The following MAGI1 variants were observed in gnomAD, a reference collection of about 807,000 sequenced individuals.
MAGI1 encodes membrane-associated guanylate kinase, WW and PDZ domain-containing protein 1.
A neutral mutation model predicts 139.9 loss-of-function variants in MAGI1; 58 were observed. The ratio of observed to expected loss-of-function variants is 0.41; its 90% CI spans 0.34 to 0.52. The LOEUF is 0.52. Among genes scored for constraint, MAGI1 ranks in the 20% least tolerant of loss-of-function variants. MAGI1 has a pLI of 0.12. For missense variants in MAGI1, 1,874 were observed against 1,901.6 expected, an observed-to-expected ratio of 0.99 and a Z score of 0.27; for synonymous variants, 812 against 737.9, an observed-to-expected ratio of 1.10 and a Z score of -1.63.
intron 1 of MAGI1, among the ~76,000 whole-genome samples, chr3:65,819,400 T>C (rs755732970): frequency 3.3e-5 from 5 of 152,188 alleles, no homozygotes; most frequent in African/African-American, 9.6e-5. Context: ...ACCTAAATTT[T>C]ATGCACTGTA....
At chr3:65,750,298 G>C (rs139230540) in intron 1 of MAGI1, among the ~76,000 whole-genome samples, 13 of 151,994 alleles carry the variant, frequency 8.6e-5, no homozygotes, top group South Asian at 2.1e-4. Flanking sequence ...TTGGGAAAAC[G>C]GGCTTTTTAA....
chr3:65,668,210 T>A (rs993342037), intron 1 of MAGI1, among the ~76,000 whole-genome samples: 2 of 152,114 alleles, frequency 1.3e-5, no homozygotes, highest in Non-Finnish European at 2.9e-5. Context: ...ACCAGAAGGG[T>A]TGACGTGAGG....
chr3:65,838,180 C>A (rs577945219), intron 1 of MAGI1, among the ~76,000 whole-genome samples: 1 of 152,098 alleles, frequency 6.6e-6, no homozygotes, highest in Non-Finnish European at 1.5e-5. Context: ...GGTGTGGTGG[C>A]GCACGCCTGC....
At chr3:65,921,880 T>C (rs1172264875) in intron 1 of MAGI1, among the ~76,000 whole-genome samples, 1 of 151,202 alleles carries the variant, frequency 6.6e-6, no homozygotes, top group Non-Finnish European at 1.5e-5. Flanking sequence ...CACTCCAACC[T>C]GGGCAACAGA....
intron 1 of MAGI1, among the ~76,000 whole-genome samples, chr3:65,812,212 C>A (rs2108203078): frequency 6.6e-6 from 1 of 152,104 alleles, no homozygotes; most frequent in African/African-American, 2.4e-5. Flanking sequence ...ATACCACCAA[C>A]CTGACTAATC....
At chr3:65,453,834 C>G (rs927366509) in intron 5 of MAGI1, among the ~76,000 whole-genome samples, 4 of 152,150 alleles carry the variant, frequency 2.6e-5, no homozygotes, top group African/African-American at 9.7e-5. Context: ...CTCAAAACTA[C>G]CAATACACAT....
chr3:65,487,502 A>AAGTATCTTAAAGCAAGCTCTCTCTGG lies in MAGI1; in HGVS notation c.550+5984_550+6009dup, dbSNP rs1371784872. On this transcript the variant is annotated intron_variant, in intron 3 of 22. Transcript: ENST00000402939. Reference sequence around the variant, plus strand: ...GCCAGGCTATGTCCCTAACTCCCTGAAGTATCTTAAAGCAAGCTCTCTCTG... The same window carrying AAGTATCTTAAAGCAAGCTCTCTCTGG: ...GCCAGGCTATGTCCCTAACTCCCTGAAGTATCTTAAAGCAAGCTCTCTCTGGAGTATCTTAAAGCAAGCTCTCTCTG... Among the ~76,000 whole-genome samples, 36 of 152,196 alleles carry AAGTATCTTAAAGCAAGCTCTCTCTGG rather than the reference A, an allele frequency of 2.4e-4. 1 individual carries two copies. The highest frequency in any genetic ancestry group is 4.8e-5 in the African/African-American group (2 of 41,448).
At chr3:65,832,536 T>A (rs145407003) in intron 1 of MAGI1, among the ~76,000 whole-genome samples, 1 of 152,216 alleles carries the variant, frequency 6.6e-6, no homozygotes, top group Non-Finnish European at 1.5e-5. Context: ...TGTTCATTCA[T>A]CTTTCAAGAC....
At chr3:65,978,837 G>A (rs1044097003) in intron 1 of MAGI1, among the ~76,000 whole-genome samples, 12 of 151,826 alleles carry the variant, frequency 7.9e-5, no homozygotes, top group Non-Finnish European at 1.2e-4. Flanking sequence ...ATGTTGGCCA[G>A]GCTGGTCTCA....
At chr3:65,784,474 T>G (rs572474010) in intron 1 of MAGI1, among the ~76,000 whole-genome samples, 3 of 152,298 alleles carry the variant, frequency 2.0e-5, no homozygotes, top group South Asian at 2.1e-4. Context: ...TCCCAGCACT[T>G]TGGGAGGCCG....
At chr3:65,749,736 G>C (rs898130104) in intron 1 of MAGI1, among the ~76,000 whole-genome samples, 11 of 150,976 alleles carry the variant, frequency 7.3e-5, no homozygotes, top group Non-Finnish European at 1.6e-4. Flanking sequence ...AAACTGCTGT[G>C]GGCCAATCAT....
intron 1 of MAGI1, among the ~76,000 whole-genome samples, chr3:65,765,929 C>T (rs1399275354): frequency 6.6e-6 from 1 of 152,132 alleles, no homozygotes; most frequent in East Asian, 1.9e-4. Context: ...GTAGTGTCAC[C>T]AAAACATCTG....
At chr3:65,488,354 T>A (rs1449302026) in intron 3 of MAGI1, among the ~76,000 whole-genome samples, 1 of 152,184 alleles carries the variant, frequency 6.6e-6, no homozygotes, top group East Asian at 1.9e-4. Context: ...TTTTGTTTTT[T>A]GAGACAGGGT....
intron 1 of MAGI1, among the ~76,000 whole-genome samples, chr3:66,022,938 A>T (rs17074330): frequency 0.095 from 14,512 of 152,236 alleles, 821 homozygotes; most frequent in Middle Eastern, 0.16. Context: ...AAAGCACAGA[A>T]ATTTAACCTG....
At chr3:65,673,057 C>T (rs548753788) in intron 1 of MAGI1, among the ~76,000 whole-genome samples, 1 of 152,046 alleles carries the variant, frequency 6.6e-6, no homozygotes, top group Non-Finnish European at 1.5e-5. Flanking sequence ...CATAAATGAC[C>T]GCCAGCGCCA....
intron 2 of MAGI1, among the ~76,000 whole-genome samples, chr3:65,503,336 C>G (rs182242675): frequency 3.2e-4 from 49 of 152,292 alleles, no homozygotes; most frequent in Admixed American, 5.9e-4. Context: ...ATGTGGTAAT[C>G]TACAAATCAC....
chr3:65,482,872 T>C (rs923562196), intron 3 of MAGI1, among the ~76,000 whole-genome samples: 12 of 152,232 alleles, frequency 7.9e-5, no homozygotes, highest in Admixed American at 6.5e-4. Flanking sequence ...CCATCTCTTA[T>C]AGAGGATGTT....
At chr3:65,958,469 C>A (rs74548222) in intron 1 of MAGI1, among the ~76,000 whole-genome samples, 2,802 of 152,278 alleles carry the variant, frequency 0.018, 54 homozygotes, top group African/African-American at 0.055. Flanking sequence ...ACTGCAATGA[C>A]AAAGTCATTT....
In MAGI1 at chr3:66,037,463, T is replaced by C. The variant is rs556853377; in HGVS notation, c.313+533A>G. ...GCTGAGGGGTGAATGCAGGCTCTTC[T>C]GGCGGCGGGCTCAGGAACCGCCAGG... On this transcript the variant is annotated intron_variant, in intron 1 of 22. Coordinates refer to ENST00000402939, the MANE Select transcript of MAGI1 (RefSeq NM_001033057.2). Among the ~76,000 whole-genome samples the C allele has an allele frequency of 2.6e-5, 4 of 152,228 alleles. No individual in the cohort carries two copies. The East Asian group carries it at 7.8e-4, about 30-fold the overall frequency.
Sources: allele counts gnomAD v4.1 joint callset (sites outside exome capture counted in the v4.1 genomes callset), GRCh38; gene constraint gnomAD v4.1.1; transcripts MANE v1.5; gene names NCBI Gene and HGNC (gene_info 2026-07-23, HGNC 2026-07-21).